The following LRMDA variants were observed in gnomAD, a reference collection of about 807,000 sequenced individuals.
The protein encoded by LRMDA is leucine rich melanocyte differentiation associated.
In LRMDA, 18 loss-of-function variants were observed where a neutral mutation model predicts 29.8. The observed-to-expected ratio is 0.60, with a 90% confidence interval of 0.42 to 0.90. The LOEUF is 0.90. Among genes scored for constraint, LRMDA ranks in the 40% least tolerant of loss-of-function variants. The pLI is 0.00. For synonymous variants in LRMDA, 125 were observed against 109.4 expected (o/e 1.14, Z -0.89); for missense variants, 273 against 273.9 (o/e 1.00, Z 0.02).
chr10:75,464,030 G>T (rs1357878037), intron 2 of LRMDA, among the ~76,000 whole-genome samples: 1 of 152,168 alleles, frequency 6.6e-6, no homozygotes, highest in Non-Finnish European at 1.5e-5. Flanking sequence ...TCGAACTCTT[G>T]ACCTCAGGTG....
intron 4 of LRMDA, among the ~76,000 whole-genome samples, chr10:76,055,063 C>CAAAAAAAAAAAAAAAAAAAA (rs531729040): frequency 2.0e-4 from 9 of 45,896 alleles, no homozygotes; most frequent in African/African-American, 3.6e-4. Context: ...GACTCCATCT[C>CAAAAAAAAAAAAAAAAAAAA]AAAAAAAAAA....
At chr10:76,143,404 T>G (rs1442928675) in intron 5 of LRMDA, among the ~76,000 whole-genome samples, 2 of 152,202 alleles carry the variant, frequency 1.3e-5, no homozygotes, top group Non-Finnish European at 1.5e-5. Context: ...TGAGATGATA[T>G]CTCATTGTGG....
chr10:75,658,174 C>T (rs1017594654), intron 2 of LRMDA, among the ~76,000 whole-genome samples: 3 of 151,860 alleles, frequency 2.0e-5, no homozygotes, highest in Non-Finnish European at 4.4e-5. Flanking sequence ...TAAGAAAAAC[C>T]GCAGTGTAGT....
intron 2 of LRMDA, among the ~76,000 whole-genome samples, chr10:75,890,622 G>A (rs1165248111): frequency 6.6e-6 from 1 of 152,146 alleles, no homozygotes; most frequent in African/African-American, 2.4e-5. Flanking sequence ...TATGTGTGGG[G>A]GTCATGATGA....
At chr10:75,476,756 T>C (rs991660279) in intron 2 of LRMDA, among the ~76,000 whole-genome samples, 3 of 152,184 alleles carry the variant, frequency 2.0e-5, no homozygotes, top group African/African-American at 7.2e-5. Context: ...TTGTATTAGT[T>C]TTCTAGGGCT....
intron 2 of LRMDA, among the ~76,000 whole-genome samples, chr10:75,718,539 A>G (rs1017016674): frequency 1.3e-5 from 2 of 152,360 alleles, no homozygotes; most frequent in African/African-American, 4.8e-5. Context: ...GCCTAGGAGC[A>G]GGAGAGTGAA....
chr10:76,105,272 G>T (rs1849461805), intron 5 of LRMDA, among the ~76,000 whole-genome samples: 1 of 152,030 alleles, frequency 6.6e-6, no homozygotes, highest in South Asian at 2.1e-4. Context: ...CAAAAGGCAG[G>T]ATTTCGTTAC....
chr10:75,876,889 A>G (rs1197530061), intron 2 of LRMDA, among the ~76,000 whole-genome samples: 1 of 152,128 alleles, frequency 6.6e-6, no homozygotes, highest in Non-Finnish European at 1.5e-5. Context: ...GTGCATCATC[A>G]GCTGTGCCCC....
At chr10:76,397,375 G>T (rs1841797340) in intron 6 of LRMDA, among the ~76,000 whole-genome samples, 1 of 152,202 alleles carries the variant, frequency 6.6e-6, no homozygotes, top group Non-Finnish European at 1.5e-5. Flanking sequence ...AGGGAAGGGG[G>T]CAGGGGCCAC....
intron 2 of LRMDA, among the ~76,000 whole-genome samples, chr10:75,692,474 C>T (rs1201348653): frequency 6.6e-6 from 1 of 150,464 alleles, no homozygotes; most frequent in Non-Finnish European, 1.5e-5. Flanking sequence ...CACACATACA[C>T]ATACACACGT....
chr10:75,921,419 A>C (rs919946770), intron 2 of LRMDA, among the ~76,000 whole-genome samples: 1 of 152,222 alleles, frequency 6.6e-6, no homozygotes, highest in Non-Finnish European at 1.5e-5. Context: ...GCAGATATTC[A>C]TGGGAGGAAT....
chr10:76,506,191 C>A (rs1409237878), intron 6 of LRMDA, among the ~76,000 whole-genome samples: 3 of 152,174 alleles, frequency 2.0e-5, no homozygotes, highest in South Asian at 2.1e-4. Flanking sequence ...TTGGTGACAG[C>A]AGTGCTTCCT....
In LRMDA at chr10:76,384,394, A is replaced by G. The variant is rs762259732; in HGVS notation, c.601+59909A>G. 7.9e-5 allele frequency among the ~76,000 whole-genome samples: 12 copies of G among 152,206 alleles called. 1 individual carries two copies. The highest frequency in any genetic ancestry group is 1.6e-4 in the Non-Finnish European group (11 of 68,036). On this transcript the variant is annotated intron_variant, in intron 6 of 6. Transcript: ENST00000611255. ...AGGGAAATGATATAAAGAAATGGAG[A>G]GAGACACATGTGAAAACAAAATTTC...
At chr10:76,420,522 T>A (rs1474035786) in intron 6 of LRMDA, among the ~76,000 whole-genome samples, 3 of 152,042 alleles carry the variant, frequency 2.0e-5, no homozygotes, top group Non-Finnish European at 4.4e-5. Flanking sequence ...TAATGTACAT[T>A]TATTAATTTC....
At chr10:76,397,585 C>T (rs1841800321) in intron 6 of LRMDA, among the ~76,000 whole-genome samples, 1 of 152,224 alleles carries the variant, frequency 6.6e-6, no homozygotes, top group Non-Finnish European at 1.5e-5. Flanking sequence ...CCTCTCGGCA[C>T]CAGGTCTGGG....
intron 2 of LRMDA, among the ~76,000 whole-genome samples, chr10:75,750,921 G>C (rs1456765624): frequency 6.6e-6 from 1 of 152,164 alleles, no homozygotes; most frequent in African/African-American, 2.4e-5. Context: ...GGTGGCGGCC[G>C]GGCAGAGGCT....
At chr10:75,662,861 C>G (rs1455742264) in intron 2 of LRMDA, among the ~76,000 whole-genome samples, 1 of 152,176 alleles carries the variant, frequency 6.6e-6, no homozygotes, top group Non-Finnish European at 1.5e-5. Context: ...ACATAACTCA[C>G]TTTTCGTTTG....
At chr10:76,310,455 TCTC>T (rs78226504) in intron 5 of LRMDA, among the ~76,000 whole-genome samples, 22,677 of 150,708 alleles carry the variant, frequency 0.15, 2,965 homozygotes, top group African/African-American at 0.35. Flanking sequence ...ACATGACTCT[TCTC>T]CTGTTGCATA....
At chr10:75,902,990 A>C (rs1845700748) in intron 2 of LRMDA, among the ~76,000 whole-genome samples, 1 of 152,226 alleles carries the variant, frequency 6.6e-6, no homozygotes, top group Non-Finnish European at 1.5e-5. Context: ...TCAGTCCCAC[A>C]GAGAATCTTC....
Sources: gnomAD v4.1 joint callset for allele counts (sites outside exome capture counted in the v4.1 genomes callset) on GRCh38, gnomAD v4.1.1 for gene constraint, MANE v1.5 for transcripts, NCBI Gene and HGNC (gene_info 2026-07-23, HGNC 2026-07-21) for gene names.